Variants in CECR2 observed in about 807,000 individuals in gnomAD.
CECR2 encodes CECR2 histone acetyl-lysine reader.
In CECR2, 30 loss-of-function variants were observed where a neutral mutation model predicts 154.5. The ratio of observed to expected loss-of-function variants is 0.19; its 90% CI spans 0.15 to 0.26. CECR2 has a LOEUF of 0.26. CECR2 is among the 10% of genes least tolerant of loss of function. The pLI, the probability that CECR2 is intolerant of heterozygous loss-of-function variation, is 1.00. For missense variants in CECR2, 1,743 were observed against 1,829.3 expected, an observed-to-expected ratio of 0.95 and a Z score of 0.86; for synonymous variants, 725 against 683.7, an observed-to-expected ratio of 1.06 and a Z score of -0.94.
intron 1 of CECR2, among the ~76,000 whole-genome samples, chr22:17,436,778 C>T (rs867384975): frequency 1.3e-5 from 2 of 152,220 alleles, no homozygotes; most frequent in Admixed American, 6.5e-5. Context: ...TGTTGAGCCC[C>T]AGATGTGAAC....
intron 16 of CECR2, among the ~76,000 whole-genome samples, chr22:17,546,828 C>G (rs546938356): frequency 6.6e-6 from 1 of 151,774 alleles, no homozygotes; most frequent in Admixed American, 6.6e-5. Context: ...CACCTGAGGT[C>G]GGGAGTTTGA....
At chr22:17,498,062 C>G (rs746154852) in intron 3 of CECR2, among the ~76,000 whole-genome samples, 3 of 152,230 alleles carry the variant, frequency 2.0e-5, no homozygotes, top group Non-Finnish European at 4.4e-5. Context: ...GGCCATCTCT[C>G]TGTCCCCCTT....
chr22:17,545,453 A>G (rs1481361602), intron 16 of CECR2, among the ~76,000 whole-genome samples: 5 of 152,088 alleles, frequency 3.3e-5, no homozygotes, highest in Non-Finnish European at 7.3e-5. Flanking sequence ...GGAAAAAAAA[A>G]TACTTTCCAA....
chr22:17,379,480 G>A (rs2063159845), intron 1 of CECR2, among the ~76,000 whole-genome samples: 1 of 151,972 alleles, frequency 6.6e-6, no homozygotes, highest in Non-Finnish European at 1.5e-5. Context: ...TGCCTGTCAG[G>A]GCACAAGGCT....
chr22:17,466,754 C>T (rs1308790768), intron 1 of CECR2, among the ~76,000 whole-genome samples: 1 of 152,112 alleles, frequency 6.6e-6, no homozygotes, highest in Non-Finnish European at 1.5e-5. Flanking sequence ...GCCACCATGC[C>T]TGGCTAATTT....
At position 17,499,068 on chromosome 22, in the gene CECR2, C is replaced by T. The variant is rs12233362; in HGVS notation, c.406-342C>T. On this transcript the variant is annotated intron_variant, in intron 3 of 18. Transcript: ENST00000262608. Reference sequence around the variant, plus strand: ...GCAGTGGCATGATCTTGGCTCACTGCGACCTCCACCTCCCAGGTTCAAGCG... The same window carrying T: ...GCAGTGGCATGATCTTGGCTCACTGTGACCTCCACCTCCCAGGTTCAAGCG... 5.7e-3 allele frequency among the ~76,000 whole-genome samples: 863 copies of T among 152,154 alleles called. 28 individuals carry two copies. In the East Asian group the frequency reaches 0.11, roughly 19 times the overall value.
At chr22:17,538,346 CTG>C (rs960172892) in intron 10 of CECR2, among the ~76,000 whole-genome samples, 172 bp from the exon 11 acceptor site, 2 of 152,242 alleles carry the variant, frequency 1.3e-5, no homozygotes, top group Non-Finnish European at 1.5e-5. Context: ...CTAAGGTCCA[CTG>C]TCCCTCATTG....
At chr22:17,437,720 T>C (rs534520424) in intron 1 of CECR2, among the ~76,000 whole-genome samples, 1 of 150,338 alleles carries the variant, frequency 6.7e-6, no homozygotes, top group African/African-American at 2.5e-5. Context: ...TTCTAAATAG[T>C]ATAGGGATTA....
intron 1 of CECR2, among the ~76,000 whole-genome samples, chr22:17,462,370 T>TAA (rs367684753): frequency 2.1e-5 from 3 of 145,690 alleles, no homozygotes; most frequent in African/African-American, 7.6e-5. Context: ...GAAATAATAA[T>TAA]AAAAAAAAAA....
intron 1 of CECR2, among the ~76,000 whole-genome samples, chr22:17,435,985 G>C (rs573089073): frequency 1.3e-5 from 2 of 151,950 alleles, no homozygotes; most frequent in Admixed American, 6.6e-5. Flanking sequence ...CCCTCTGTCT[G>C]TCTCGCTCTG....
At chr22:17,428,798 T>TGTGTGTG (rs2054371930) in intron 1 of CECR2, among the ~76,000 whole-genome samples, 5 of 136,336 alleles carry the variant, frequency 3.7e-5, no homozygotes, top group Admixed American at 7.4e-5. Flanking sequence ...ATGTTTTTAT[T>TGTGTGTG]TGTGTGTGTG....
At chr22:17,492,599 G>T (rs1430014273) in intron 2 of CECR2, among the ~76,000 whole-genome samples, 1 of 152,178 alleles carries the variant, frequency 6.6e-6, no homozygotes, top group Non-Finnish European at 1.5e-5. Flanking sequence ...GGGAAAAAAA[G>T]AGGTAATTAA....
intron 9 of CECR2, among the ~76,000 whole-genome samples, chr22:17,531,666 G>GTT (rs2056357575): frequency 6.6e-6 from 1 of 152,204 alleles, no homozygotes. Flanking sequence ...CAATGATTGA[G>GTT]TAGTTTTTTG....
At chr22:17,420,465 T>C (rs967050320) in intron 1 of CECR2, among the ~76,000 whole-genome samples, 10 of 152,180 alleles carry the variant, frequency 6.6e-5, no homozygotes, top group African/African-American at 2.4e-4. Context: ...CAGTCAAGCC[T>C]GTAGGGTATC....
chr22:17,514,975 A>G (rs1208346624), intron 8 of CECR2, among the ~76,000 whole-genome samples: 3 of 151,446 alleles, frequency 2.0e-5, no homozygotes, highest in Non-Finnish European at 2.9e-5. Flanking sequence ...GTGAGCCAAG[A>G]TCGCACCACT....
At chr22:17,526,324 G>C (rs2056264024) in intron 9 of CECR2, among the ~76,000 whole-genome samples, 1 of 152,116 alleles carries the variant, frequency 6.6e-6, no homozygotes, top group Non-Finnish European at 1.5e-5. Context: ...AAATGGAACA[G>C]AATAGAGAAT....
intron 1 of CECR2, among the ~76,000 whole-genome samples, chr22:17,400,180 G>A (rs737916): frequency 0.44 from 67,253 of 152,034 alleles, 15,203 homozygotes; most frequent in African/African-American, 0.53. Flanking sequence ...TAGGAATTGG[G>A]TAATATGTTT....
chr22:17,526,177 A>G (rs115563121), intron 9 of CECR2, among the ~76,000 whole-genome samples: 227 of 152,336 alleles, frequency 1.5e-3, no homozygotes, highest in African/African-American at 5.1e-3. Flanking sequence ...ATATGGACCC[A>G]CAAAAGACCC....
upstream of CECR2, among the ~76,000 whole-genome samples, chr22:17,365,159 G>A (rs1356484434): frequency 1.3e-5 from 2 of 151,908 alleles, no homozygotes; most frequent in South Asian, 2.1e-4. Context: ...AGGAGGCAGA[G>A]GTTGCAGTGA....
Sources: allele counts gnomAD v4.1 joint callset (sites outside exome capture counted in the v4.1 genomes callset), GRCh38; gene constraint gnomAD v4.1.1; transcripts MANE v1.5; gene names NCBI Gene and HGNC (gene_info 2026-07-23, HGNC 2026-07-21).